The following ADCY9 variants were observed in gnomAD, a reference collection of about 807,000 sequenced individuals.
The protein encoded by ADCY9 is adenylate cyclase 9, also known as adenylate cyclase type 9.
Under a neutral mutation model 101.5 loss-of-function variants are expected in ADCY9, and 50 were observed. The ratio of observed to expected loss-of-function variants is 0.49; its 90% CI spans 0.39 to 0.62. ADCY9 has a LOEUF of 0.62. Ranked by LOEUF, ADCY9 falls within the 20% of genes least tolerant of loss-of-function variation. The probability of loss-of-function intolerance (pLI) is 0.00; values close to 1 mark genes in which losing one functional copy is unlikely to be tolerated. For synonymous variants in ADCY9, 905 were observed against 769.3 expected, an observed-to-expected ratio of 1.18 and a Z score of -2.92; for missense variants, 1,662 against 1,800.4, an observed-to-expected ratio of 0.92 and a Z score of 1.39.
chr16:4,069,584 T>C (rs2056821118), intron 2 of ADCY9, among the ~76,000 whole-genome samples: 1 of 152,192 alleles, frequency 6.6e-6, no homozygotes, highest in East Asian at 1.9e-4. Context: ...CAGAGTTACC[T>C]CACTCATCAC....
chr16:4,003,124 C>T (rs924054687), intron 3 of ADCY9, among the ~76,000 whole-genome samples: 1 of 152,108 alleles, frequency 6.6e-6, no homozygotes, highest in Non-Finnish European at 1.5e-5. Context: ...AAAGCAAATG[C>T]CTGCTGGAGC....
chr16:4,034,809 C>G (rs908279924), intron 2 of ADCY9, among the ~76,000 whole-genome samples: 2 of 152,180 alleles, frequency 1.3e-5, no homozygotes, highest in Non-Finnish European at 2.9e-5. Context: ...AGGCTGGTAG[C>G]TGACAGACCC....
chr16:3,985,832 C>T (rs1025043442), intron 6 of ADCY9, among the ~76,000 whole-genome samples: 2 of 152,192 alleles, frequency 1.3e-5, no homozygotes, highest in African/African-American at 2.4e-5. Context: ...GCCACAGCCT[C>T]CCCCTCTGGG....
rs1331499494 is a variant in ADCY9, at chr16:4,115,399, G to C, written c.44C>G (p.Thr15Ser). 6.3e-7 allele frequency: 1 copy of C among 1,587,552 alleles called. No homozygotes were observed. The change falls in exon 2 of 11, where the codon ACC becomes AGC. Residue 15 changes from threonine (T) to serine (S), a missense_variant. By Grantham distance (58) the Thr-to-Ser change is moderately conservative (BLOSUM62 1). Around this residue, in one of 5 missense-constraint regions of ADCY9, gnomAD observed 422 missense variants for 392.0 expected, o/e 1.08. Transcript: ENST00000294016. The surrounding 1 kb of genome is among the most constrained non-coding windows in gnomAD (Gnocchi z 6.2). Reference sequence around the variant, plus strand: ...CCCGCTGGAGTCGCAGCTCACCTCGGTGCTGTGGTGATGCAGCAGCTGCTG... The same window carrying C: ...CCCGCTGGAGTCGCAGCTCACCTCGCTGCTGTGGTGATGCAGCAGCTGCTG... ...PHQQLLHHHS[T>S]EVSCDSSGDS...
chr16:3,996,761 A>G (rs2056289791), intron 3 of ADCY9, among the ~76,000 whole-genome samples: 1 of 152,232 alleles, frequency 6.6e-6, no homozygotes. Flanking sequence ...AGCCCTTGGT[A>G]TCTATTCTTC....
chr16:4,095,702 C>T (rs2056999288), intron 2 of ADCY9, among the ~76,000 whole-genome samples: 1 of 152,118 alleles, frequency 6.6e-6, no homozygotes. Flanking sequence ...CCAGACCAGG[C>T]ACCATGGGTC....
At chr16:4,054,625 C>T (rs1461864880) in intron 2 of ADCY9, among the ~76,000 whole-genome samples, 1 of 151,454 alleles carries the variant, frequency 6.6e-6, no homozygotes, top group African/African-American at 2.4e-5. Flanking sequence ...GGCTGGAGTG[C>T]AGTGGCACAA....
intron 2 of ADCY9, among the ~76,000 whole-genome samples, chr16:4,053,829 G>T (rs1186238776): frequency 6.6e-6 from 1 of 152,026 alleles, no homozygotes; most frequent in Non-Finnish European, 1.5e-5. Context: ...ACTCTTTCTC[G>T]GTAATAAAAC....
At chr16:3,999,010 T>C (rs2141712129) in intron 3 of ADCY9, among the ~76,000 whole-genome samples, 1 of 152,066 alleles carries the variant, frequency 6.6e-6, no homozygotes, top group African/African-American at 2.4e-5. Context: ...GATTAAGACA[T>C]TTCACAACAT....
rs1166805300 is a variant in ADCY9, at chr16:4,097,528, C to CATATAT, written c.1693+16216_1693+16221dup. Among the ~76,000 whole-genome samples the CATATAT allele has an allele frequency of 5.6e-4, 36 of 64,536 alleles. 3 individuals carry two copies. Among genetic ancestry groups the CATATAT allele is most frequent in the South Asian group, 1.1e-3 (2 of 1,788 alleles). The allele number at this position is 64,536 out of a possible 152,430, so 42.3% of individuals were successfully genotyped here. A position where few individuals can be genotyped will look rare whatever the true frequency, so the allele number is the denominator to read the frequency against. ...ATATATATGTATAAATACATATGTA[C>CATATAT]ATATATATATATATATATATATATA... On this transcript the variant is annotated intron_variant, in intron 2 of 10. Transcript: ENST00000294016.
At chr16:4,009,743 C>T (rs1386803722) in intron 2 of ADCY9, among the ~76,000 whole-genome samples, 1 of 152,198 alleles carries the variant, frequency 6.6e-6, no homozygotes. Context: ...TCGGACCTGT[C>T]CCAGGCGACA....
downstream of ADCY9, among the ~76,000 whole-genome samples, chr16:3,960,706 G>T (rs1349159634): frequency 1.3e-5 from 2 of 152,060 alleles, no homozygotes; most frequent in East Asian, 1.9e-4. Flanking sequence ...TAACAGGCAC[G>T]CGGATTACTT....
chr16:3,977,098 T>C (rs932163093), intron 9 of ADCY9, among the ~76,000 whole-genome samples: 1 of 152,228 alleles, frequency 6.6e-6, no homozygotes, highest in African/African-American at 2.4e-5. Context: ...CCTCTCCACC[T>C]TCACATCCAT....
rs1323702172 is a variant in ADCY9, at chr16:4,116,022, T to TCCCCGGCC, written c.-377_-376insGGCCGGGG. ...GCGAGCTTCGGCGGGCGCCCCCGGC[T>TCCCCGGCC]CGCGCTCCCCGGCCGCCCCCCGCGC... On this transcript the variant is annotated 5_prime_UTR_variant, in exon 1 of 11. Coordinates refer to ENST00000294016, the MANE Select transcript of ADCY9 (RefSeq NM_001116.4). 1.5e-3 allele frequency: 224 copies of TCCCCGGCC among 152,932 alleles called. No homozygotes were observed. The highest frequency in any genetic ancestry group is 2.0e-3 in the Non-Finnish European group (144 of 70,606). The allele number at this position is 152,932 out of a possible 1,614,324, so 9.5% of individuals were successfully genotyped here. A position where few individuals can be genotyped will look rare whatever the true frequency, so the allele number is the denominator to read the frequency against.
intron 2 of ADCY9, among the ~76,000 whole-genome samples, chr16:4,060,044 A>G (rs2056764984): frequency 1.3e-5 from 2 of 152,218 alleles, no homozygotes; most frequent in African/African-American, 4.8e-5. Flanking sequence ...ACGAGCTGTG[A>G]AAATTGGTGG....
Position 4,115,086 on chromosome 16 carries a change from C to T in ADCY9, c.357G>A (p.Ala119=), listed in dbSNP as rs367912073. ...GGCAGGCGAAGCCGATGTAGAAGAGCGCATACCGGAACCGGCGCTGGGTCT... is the reference window on the plus strand; with the variant it reads ...GGCAGGCGAAGCCGATGTAGAAGAGTGCATACCGGAACCGGCGCTGGGTCT... ...FPQTQRRFRY[A]LFYIGFACLL... is the part of the protein sequence containing the mutation. The change falls in exon 2 of 11, where the codon GCG becomes GCA. Residue 119 remains alanine (A), a synonymous_variant. Coordinates refer to ENST00000294016, the MANE Select transcript of ADCY9 (RefSeq NM_001116.4). The surrounding 1 kb of genome is among the most constrained non-coding windows in gnomAD (Gnocchi z 6.2). The T allele has an allele frequency of 1.2e-6, 2 of 1,613,862 alleles. No homozygotes were observed. Among genetic ancestry groups the T allele is most frequent in the Admixed American group, 1.7e-5 (1 of 60,014 alleles).
At chr16:3,979,070 G>T in intron 8 of ADCY9, 46 bp downstream of exon 8, 2 of 1,606,524 alleles carry the variant, frequency 1.2e-6, no homozygotes, top group Non-Finnish European at 1.7e-6. Context: ...GAGAGATTAG[G>T]GAGTCCAGGA....
At chr16:4,098,061 G>C (rs1310455555) in intron 2 of ADCY9, among the ~76,000 whole-genome samples, 1 of 152,018 alleles carries the variant, frequency 6.6e-6, no homozygotes, top group African/African-American at 2.4e-5. Flanking sequence ...CTGGCCCATA[G>C]CTCCAGGAGG....
intron 2 of ADCY9, among the ~76,000 whole-genome samples, chr16:4,070,455 C>G (rs1373816332): frequency 6.6e-6 from 1 of 152,098 alleles, no homozygotes; most frequent in Non-Finnish European, 1.5e-5. Context: ...CTGAACTCAA[C>G]AAAACTTTTG....
Sources: allele counts gnomAD v4.1 joint callset (sites outside exome capture counted in the v4.1 genomes callset), GRCh38; gene constraint gnomAD v4.1.1; regional missense constraint gnomAD v4.1.1; non-coding constraint Gnocchi (gnomAD v3.1); transcripts MANE v1.5; gene names NCBI Gene and HGNC (gene_info 2026-07-23, HGNC 2026-07-21).